HIVEP3: variants seen among roughly 807,000 people sequenced by gnomAD.
HIVEP3 encodes HIVEP zinc finger 3.
HIVEP3 carries 49 observed loss-of-function variants against 152.8 expected under a neutral mutation model. The ratio of observed to expected loss-of-function variants is 0.32; its 90% CI spans 0.26 to 0.41. HIVEP3 has a LOEUF of 0.41. Ranked by LOEUF, HIVEP3 falls within the 10% of genes least tolerant of loss-of-function variation. The pLI, the probability that HIVEP3 is intolerant of heterozygous loss-of-function variation, is 1.00. For synonymous variants in HIVEP3, 1,269 were observed against 1,289.0 expected (o/e 0.98, Z 0.33); for missense variants, 2,790 against 3,103.3 (o/e 0.90, Z 2.40).
chr1:41,911,587 G>GA (rs1249249995), intron 1 of HIVEP3, among the ~76,000 whole-genome samples: 7 of 151,660 alleles, frequency 4.6e-5, no homozygotes, highest in Admixed American at 2.0e-4. Flanking sequence ...CAGGGAACTT[G>GA]AAAAAAAATG....
chr1:41,511,198 G>A lies in HIVEP3; in HGVS notation c.6474C>T (p.Phe2158=), dbSNP rs772164341. Residue 2158 remains phenylalanine (F), a synonymous_variant, in exon 9 of 9, where the codon TTC becomes TTT. Transcript: ENST00000372583. The surrounding 1 kb of genome is among the most constrained non-coding windows in gnomAD (Gnocchi z 4.9). ...GGCCGTGGAAGTCATGGAGGGCGGA[G>A]AAGGGTCGGGAGGAGAGAGGATGAG... ...GPAHPLSSRP[F]SALHDFHGHI... 5.6e-6 allele frequency: 9 copies of A among 1,614,024 alleles called. No homozygotes were observed. In the South Asian group the frequency reaches 8.8e-5, roughly 16 times the overall value.
At chr1:41,936,546 A>C (rs1255919726) in intron 1 of HIVEP3, among the ~76,000 whole-genome samples, 1 of 152,242 alleles carries the variant, frequency 6.6e-6, no homozygotes, top group East Asian at 1.9e-4. Flanking sequence ...AATATAAAAT[A>C]TCACAGAGTA....
At chr1:41,538,117 G>A (rs777401676) in intron 5 of HIVEP3, among the ~76,000 whole-genome samples, 1 of 152,212 alleles carries the variant, frequency 6.6e-6, no homozygotes, top group Non-Finnish European at 1.5e-5. Flanking sequence ...GGAACCAGTG[G>A]GGGTGGGTGT....
intron 5 of HIVEP3, among the ~76,000 whole-genome samples, chr1:41,561,347 G>C (rs1233181661): frequency 1.3e-5 from 2 of 152,110 alleles, no homozygotes; most frequent in African/African-American, 4.8e-5. Flanking sequence ...AAAGTCTCCA[G>C]CTCCACGGCT....
At chr1:42,010,948 T>C (rs1243962193) in intron 1 of HIVEP3, among the ~76,000 whole-genome samples, 1 of 152,200 alleles carries the variant, frequency 6.6e-6, no homozygotes, top group East Asian at 1.9e-4. Flanking sequence ...CTAGCTTGGA[T>C]CCTGTCTGAA....
chr1:41,565,387 TGAC>T (rs1160730428), intron 5 of HIVEP3, among the ~76,000 whole-genome samples: 1 of 148,134 alleles, frequency 6.8e-6, no homozygotes, highest in Non-Finnish European at 1.5e-5. Context: ...CTGGGAGTGG[TGAC>T]CGGTGGGTGG....
At chr1:41,790,671 C>A (rs907141719) in intron 1 of HIVEP3, among the ~76,000 whole-genome samples, 1 of 152,122 alleles carries the variant, frequency 6.6e-6, no homozygotes, top group Admixed American at 6.5e-5. Context: ...AGAATCCTTA[C>A]GTAGGAAGCT....
At chr1:41,862,851 G>A (rs1643904618) in intron 1 of HIVEP3, among the ~76,000 whole-genome samples, 1 of 152,232 alleles carries the variant, frequency 6.6e-6, no homozygotes, top group Admixed American at 6.5e-5. Context: ...GTAGAGACAA[G>A]TTTTCTCACT....
rs1294765173 is a variant in HIVEP3 at position 41,506,953 on chromosome 1, G to A, written c.*3498C>T. 6.6e-6 allele frequency: 1 copy of A among 150,894 alleles called. No individual in the cohort carries two copies. Among genetic ancestry groups the A allele is most frequent in the Non-Finnish European group, 1.5e-5 (1 of 67,892 alleles). 9.3% of individuals were successfully genotyped at this position (150,894 alleles called of 1,614,324 possible). A position where few individuals can be genotyped will look rare whatever the true frequency, so the allele number is the denominator to read the frequency against. ...TAGATTTATTAAAGTGACCATAAGT[G>A]CCGAAGCGGTTTTCTAATGGAAAGC... On this transcript the variant is annotated 3_prime_UTR_variant, in exon 9 of 9. Transcript: ENST00000372583.
intron 1 of HIVEP3, among the ~76,000 whole-genome samples, chr1:41,747,969 C>T (rs770875107): frequency 1.2e-4 from 18 of 152,176 alleles, no homozygotes; most frequent in African/African-American, 3.6e-4. Flanking sequence ...GCCACCAGCA[C>T]GGATGATCCA....
rs1644154667 is a variant in HIVEP3 at position 41,875,509 on chromosome 1, AAAACC to A, written c.-801+42899_-801+42903del. ...GTCAGACCATGTCATGCCCTGGCTT[AAAACC>A]TCTCAATGGTTTCCTCTGGCATCTC... On this transcript the variant is annotated intron_variant, in intron 1 of 8. Coordinates refer to ENST00000372583, the MANE Select transcript of HIVEP3 (RefSeq NM_024503.5). 3.3e-5 allele frequency among the ~76,000 whole-genome samples: 5 copies of A among 152,374 alleles called. No homozygotes were observed. The South Asian group carries it at 1.0e-3, about 32-fold the overall frequency.
chr1:41,753,600 G>A (rs1479455777), intron 1 of HIVEP3, among the ~76,000 whole-genome samples: 1 of 151,900 alleles, frequency 6.6e-6, no homozygotes, highest in Non-Finnish European at 1.5e-5. Flanking sequence ...CTCGGGAGGC[G>A]GAGGTTGCAG....
At position 41,706,687 on chromosome 1, in the gene HIVEP3, A is replaced by C. The variant is rs11210513; in HGVS notation, c.-800-5692T>G. ...TGGGTTTTAATTGTCTGGCAGTAGG[A>C]GGGGACCAGGAAACCAGGAAAGTCA... On this transcript the variant is annotated intron_variant, in intron 1 of 8. Transcript: ENST00000372583. Among the ~76,000 whole-genome samples, 602 of 152,340 alleles carry C rather than the reference A, an allele frequency of 4.0e-3. 3 individuals are homozygous for C. The highest frequency in any genetic ancestry group is 0.013 in the African/African-American group (553 of 41,572).
At chr1:41,707,826 G>A (rs938928854) in intron 1 of HIVEP3, among the ~76,000 whole-genome samples, 3 of 152,230 alleles carry the variant, frequency 2.0e-5, no homozygotes, top group African/African-American at 7.2e-5. Context: ...TGCATGCCAA[G>A]TGCTTAGCAC....
At chr1:41,731,347 C>T (rs998837507) in intron 1 of HIVEP3, among the ~76,000 whole-genome samples, 3 of 152,156 alleles carry the variant, frequency 2.0e-5, no homozygotes, top group Non-Finnish European at 2.9e-5. Context: ...AGTAAGCCCC[C>T]GTGAACCTGT....
At chr1:41,851,422 ACTCCCAAGT>A (rs1449622118) in intron 1 of HIVEP3, among the ~76,000 whole-genome samples, 1 of 146,324 alleles carries the variant, frequency 6.8e-6, no homozygotes, top group Non-Finnish European at 1.5e-5. Context: ...CCTGCCTCAG[ACTCCCAAGT>A]AGCTGGGTCT....
At chr1:41,569,359 TG>T (rs1458270384) in intron 5 of HIVEP3, among the ~76,000 whole-genome samples, 1 of 152,240 alleles carries the variant, frequency 6.6e-6, no homozygotes, top group Non-Finnish European at 1.5e-5. Flanking sequence ...CTGTGGTATG[TG>T]GTTTTGCTAC....
chr1:41,789,922 C>CAGCTTG (rs1431008511), intron 1 of HIVEP3, among the ~76,000 whole-genome samples: 2 of 152,210 alleles, frequency 1.3e-5, no homozygotes, highest in Non-Finnish European at 2.9e-5. Flanking sequence ...TATGCATAGA[C>CAGCTTG]AGCTTGTCAT....
At chr1:41,915,147 A>G (rs947474387) in intron 1 of HIVEP3, among the ~76,000 whole-genome samples, 21 of 152,126 alleles carry the variant, frequency 1.4e-4, no homozygotes, top group African/African-American at 5.1e-4. Context: ...AAAAAAAAAA[A>G]ATCTTTTGGG....
Sources: allele counts gnomAD v4.1 joint callset (sites outside exome capture counted in the v4.1 genomes callset), GRCh38; gene constraint gnomAD v4.1.1; non-coding constraint Gnocchi (gnomAD v3.1); transcripts MANE v1.5; gene names NCBI Gene and HGNC (gene_info 2026-07-23, HGNC 2026-07-21).